XKR9: variants seen among roughly 807,000 people sequenced by gnomAD.
The protein encoded by XKR9 is XK-related protein 9.
In XKR9, 32 loss-of-function variants were observed where a neutral mutation model predicts 32.0. The ratio of observed to expected loss-of-function variants is 1.00; its 90% CI spans 0.76 to 1.34. The LOEUF is 1.34. Among genes scored for constraint, XKR9 ranks in the 40% most tolerant of loss-of-function variants. The pLI is 0.00. For synonymous variants in XKR9, 168 were observed against 143.4 expected (o/e 1.17, Z -1.22); for missense variants, 546 against 429.7 (o/e 1.27, Z -2.39).
At chr8:70,981,529 A>G in the XKR9 span, among the ~76,000 whole-genome samples, 1 of 151,820 alleles carries the variant, frequency 6.6e-6, no homozygotes, top group African/African-American at 2.4e-5. Flanking sequence ...TCACTGAAGA[A>G]ATTTCCTTTC....
At chr8:70,793,001 G>A (rs1157811787), downstream of XKR9, among the ~76,000 whole-genome samples, 1 of 152,002 alleles carries the variant, frequency 6.6e-6, no homozygotes, top group Admixed American at 6.6e-5. Flanking sequence ...TAACATGAAT[G>A]GACTAAGACA....
chr8:70,783,214 C>T lies in XKR9; in HGVS notation n.353-6125C>T, dbSNP rs538513196. Among the ~76,000 whole-genome samples, 39 of 151,588 alleles carry T rather than the reference C, an allele frequency of 2.6e-4. 1 individual carries two copies. The South Asian group carries it at 6.9e-3, about 27-fold the overall frequency. On this transcript the variant is annotated intron_variant and non_coding_transcript_variant, in intron 2 of 3. Coordinates refer to the XKR9 transcript ENST00000520273. The stretch of plus-strand genomic sequence containing the variant: ...AGCATTTAAAAAATATGTCTGTTGG[C>T]CATTTGTATGTCTTTTTTTTTTTTT...
chr8:70,949,311 C>G, the XKR9 span, among the ~76,000 whole-genome samples: 1 of 151,604 alleles, frequency 6.6e-6, no homozygotes, highest in African/African-American at 2.4e-5. Flanking sequence ...GTTAGTTTGC[C>G]TTTTTTCTTA....
chr8:70,985,214 T>C, the XKR9 span, among the ~76,000 whole-genome samples: 25 of 152,202 alleles, frequency 1.6e-4, no homozygotes, highest in Non-Finnish European at 3.2e-4. Context: ...CTTGTGTCCA[T>C]GTATTCTCAT....
chr8:70,937,673 T>C, the XKR9 span, among the ~76,000 whole-genome samples: 2 of 152,038 alleles, frequency 1.3e-5, no homozygotes, highest in Non-Finnish European at 2.9e-5. Context: ...AATTATTGGT[T>C]CCATTTTACA....
the XKR9 span, among the ~76,000 whole-genome samples, chr8:70,947,790 G>T: frequency 6.6e-6 from 1 of 151,988 alleles, no homozygotes; most frequent in East Asian, 1.9e-4. Context: ...AAATCAAGAG[G>T]GTTTAAAATT....
the XKR9 span, among the ~76,000 whole-genome samples, chr8:70,807,650 TA>T: frequency 6.6e-6 from 1 of 151,462 alleles, no homozygotes; most frequent in Admixed American, 6.6e-5. Context: ...CCAACAAAGA[TA>T]AAAAAAGACA....
At chr8:70,816,347 A>T in the XKR9 span, among the ~76,000 whole-genome samples, 1 of 152,188 alleles carries the variant, frequency 6.6e-6, no homozygotes, top group Non-Finnish European at 1.5e-5. Flanking sequence ...TTTCTGAAGG[A>T]GCTAAAAATT....
chr8:70,824,944 T>A, the XKR9 span, among the ~76,000 whole-genome samples: 1 of 152,024 alleles, frequency 6.6e-6, no homozygotes, highest in East Asian at 1.9e-4. Context: ...AATAATAATA[T>A]CAAAGATAGC....
chr8:70,878,616 A>G, the XKR9 span, among the ~76,000 whole-genome samples: 1 of 152,232 alleles, frequency 6.6e-6, no homozygotes, highest in African/African-American at 2.4e-5. Flanking sequence ...TATCCTAAAT[A>G]TATATGCACC....
At chr8:70,739,679 T>G (rs1451252457), downstream of XKR9, among the ~76,000 whole-genome samples, 1 of 152,164 alleles carries the variant, frequency 6.6e-6, no homozygotes, top group Non-Finnish European at 1.5e-5. Flanking sequence ...ACAAAATCTC[T>G]CAGCATTTGC....
At chr8:70,757,588 C>T (rs75763309) in intron 2 of XKR9, among the ~76,000 whole-genome samples, 1 of 116,884 alleles carries the variant, frequency 8.6e-6, no homozygotes, top group African/African-American at 3.3e-5. Context: ...TGTATGTATG[C>T]ATGTATTTAT....
chr8:70,766,808 G>T (rs1191669540), intron 2 of XKR9, among the ~76,000 whole-genome samples: 1 of 152,158 alleles, frequency 6.6e-6, no homozygotes, highest in Non-Finnish European at 1.5e-5. Context: ...TAGCATGAAG[G>T]GGTGTTGAAG....
At chr8:70,886,733 G>GTT in the XKR9 span, among the ~76,000 whole-genome samples, 2 of 147,392 alleles carry the variant, frequency 1.4e-5, no homozygotes, top group African/African-American at 5.0e-5. Context: ...ACTTTTTGAT[G>GTT]TTTTTTTTTT....
the XKR9 span, among the ~76,000 whole-genome samples, chr8:70,817,317 T>G: frequency 5.3e-5 from 8 of 152,134 alleles, no homozygotes; most frequent in Non-Finnish European, 8.8e-5. Flanking sequence ...TAGTAACATT[T>G]CTGTGCACCA....
At chr8:70,862,457 G>GT in the XKR9 span, among the ~76,000 whole-genome samples, 2 of 151,270 alleles carry the variant, frequency 1.3e-5, no homozygotes, top group Admixed American at 6.6e-5. Flanking sequence ...CTTTGGAAAA[G>GT]TTTTTTCTTG....
chr8:70,947,139 C>CAAATCAT, the XKR9 span, among the ~76,000 whole-genome samples: 1,263 of 152,290 alleles, frequency 8.3e-3, 14 homozygotes, highest in African/African-American at 0.029. Context: ...AGCCCAAACC[C>CAAATCAT]AAATCATAAA....
chr8:70,670,413 T>A (rs1818672913), intron 1 of XKR9, among the ~76,000 whole-genome samples: 1 of 152,082 alleles, frequency 6.6e-6, no homozygotes, highest in Non-Finnish European at 1.5e-5. Flanking sequence ...TAAAAGAAAA[T>A]ACACAGATCC....
intron 2 of XKR9, among the ~76,000 whole-genome samples, chr8:70,769,946 C>G (rs573567073): frequency 9.2e-5 from 14 of 152,006 alleles, no homozygotes; most frequent in African/African-American, 2.7e-4. Flanking sequence ...TCTGTCAATT[C>G]GTCAAACTCA....
Sources: allele counts gnomAD v4.1 joint callset (sites outside exome capture counted in the v4.1 genomes callset), GRCh38; gene constraint gnomAD v4.1.1; transcripts MANE v1.5; gene names NCBI Gene and HGNC (gene_info 2026-07-23, HGNC 2026-07-21).